The following DRAM1 variants were observed in gnomAD, a reference collection of about 807,000 sequenced individuals.
DRAM1 encodes DNA damage-regulated autophagy modulator protein 1.
DRAM1 carries 25 observed loss-of-function variants against 28.5 expected under a neutral mutation model. The observed-to-expected ratio is 0.88, with a 90% CI of 0.64 to 1.23. The LOEUF is 1.23. Among genes scored for constraint, DRAM1 ranks in the 50% most tolerant of loss-of-function variants. The pLI, the probability that DRAM1 is intolerant of heterozygous loss-of-function variation, is 0.00. For missense variants in DRAM1, 249 were observed against 299.2 expected (o/e 0.83, Z 1.24); for synonymous variants, 113 against 114.2 (o/e 0.99, Z 0.07).
chr12:101,915,107 G>A (rs1225538654), intron 5 of DRAM1, among the ~76,000 whole-genome samples: 1 of 151,884 alleles, frequency 6.6e-6, no homozygotes, highest in East Asian at 1.9e-4. Flanking sequence ...AGCCTCCTGA[G>A]TAGCTGGGAC....
intron 5 of DRAM1, among the ~76,000 whole-genome samples, chr12:101,918,169 T>C (rs1431742471): frequency 6.6e-6 from 1 of 152,252 alleles, no homozygotes; most frequent in East Asian, 1.9e-4. Flanking sequence ...AACTTCTGTG[T>C]AGTGCTTTAC....
chr12:101,896,640 C>T (rs1054008668), intron 1 of DRAM1, among the ~76,000 whole-genome samples: 3 of 152,080 alleles, frequency 2.0e-5, no homozygotes, highest in African/African-American at 7.2e-5. Context: ...TATTTTCCAA[C>T]TCATTTAATT....
chr12:101,913,705 CA>C (rs60536139), intron 4 of DRAM1, among the ~76,000 whole-genome samples: 2,857 of 50,282 alleles, frequency 0.057, 30 homozygotes, highest in East Asian at 0.26. Flanking sequence ...GAGTACGTCT[CA>C]AAAAAAAAAA....
At chr12:101,903,869 G>C (rs116421023) in intron 3 of DRAM1, among the ~76,000 whole-genome samples, 5,563 of 151,412 alleles carry the variant, frequency 0.037, 346 homozygotes, top group African/African-American at 0.13. Flanking sequence ...TTTGAGACTA[G>C]TCTGGGCAAC....
intron 1 of DRAM1, among the ~76,000 whole-genome samples, chr12:101,896,459 A>T (rs6539016): frequency 0.51 from 77,955 of 152,024 alleles, 20,481 homozygotes; most frequent in East Asian, 0.63. Flanking sequence ...AAAGCTTGGC[A>T]CTAATAGAAA....
intron 5 of DRAM1, among the ~76,000 whole-genome samples, chr12:101,915,270 C>T (rs565437111): frequency 2.4e-4 from 36 of 152,238 alleles, no homozygotes; most frequent in African/African-American, 7.2e-4. Flanking sequence ...TGAGCCACCG[C>T]ACCTGGCCTT....
At chr12:101,881,091 G>A (rs368504221) in intron 1 of DRAM1, among the ~76,000 whole-genome samples, 101 of 152,230 alleles carry the variant, frequency 6.6e-4, no homozygotes, top group Admixed American at 1.8e-3. Context: ...CACACATAGA[G>A]AAGAAGGCTG....
chr12:101,912,322 T>C (rs1458555269), intron 4 of DRAM1, among the ~76,000 whole-genome samples: 1 of 152,244 alleles, frequency 6.6e-6, no homozygotes, highest in African/African-American at 2.4e-5. Flanking sequence ...TTTCACTGAA[T>C]GAAGCTTTCT....
At chr12:101,914,132 CTGT>C in intron 4 of DRAM1, 39 bp from the exon 5 acceptor site, 1 of 1,355,228 alleles carries the variant, frequency 7.4e-7, no homozygotes, top group Non-Finnish European at 1.0e-6. Context: ...ATTAAAGGAA[CTGT>C]TGTGTGCTGT....
At chr12:101,902,904 T>C (rs1165868021) in intron 3 of DRAM1, among the ~76,000 whole-genome samples, 3 of 143,060 alleles carry the variant, frequency 2.1e-5, no homozygotes, top group Non-Finnish European at 4.5e-5. Flanking sequence ...CAAGAGAGAG[T>C]GTGACTGCCT....
chr12:101,912,510 G>C (rs1406942973), intron 4 of DRAM1, among the ~76,000 whole-genome samples: 1 of 152,192 alleles, frequency 6.6e-6, no homozygotes, highest in Non-Finnish European at 1.5e-5. Context: ...GTGCACTGAA[G>C]ATGGAGCTAA....
At chr12:101,921,158 G>A in intron 6 of DRAM1, 58 bp from the exon 7 acceptor site, 2 of 1,239,830 alleles carry the variant, frequency 1.6e-6, no homozygotes, top group Middle Eastern at 1.9e-4. Flanking sequence ...AAATGTCATT[G>A]TCAACGCTGG....
chr12:101,904,804 A>G (rs1018251527), intron 3 of DRAM1, among the ~76,000 whole-genome samples: 1 of 152,044 alleles, frequency 6.6e-6, no homozygotes, highest in African/African-American at 2.4e-5. Flanking sequence ...CTTTTAAATT[A>G]CCAAGAGAGT....
chr12:101,879,893 C>T (rs1478270760), intron 1 of DRAM1, among the ~76,000 whole-genome samples: 2 of 151,598 alleles, frequency 1.3e-5, no homozygotes, highest in Non-Finnish European at 2.9e-5. Flanking sequence ...ACTCGGGAGG[C>T]TGAGGCAGAA....
At position 101,919,284 on chromosome 12, in the gene DRAM1, G is replaced by GCGCA. The variant is rs35286891; in HGVS notation, c.580-824_580-823insGCAC. Among the ~76,000 whole-genome samples, 1,072 of 147,598 alleles carry GCGCA rather than the reference G, an allele frequency of 7.3e-3. 9 individuals are homozygous for GCGCA. The highest frequency in any genetic ancestry group is 0.011 in the Non-Finnish European group (720 of 66,400). ...TCCACAGACACACAGACACACACAC[G>GCGCA]CACACACACACACACACACACGGTT... is the stretch of plus-strand genomic sequence containing the variant. On this transcript the variant is annotated intron_variant, in intron 5 of 6. Coordinates refer to ENST00000258534, the MANE Select transcript of DRAM1 (RefSeq NM_018370.3).
At chr12:101,883,054 A>G (rs1283938114) in intron 1 of DRAM1, among the ~76,000 whole-genome samples, 2 of 151,100 alleles carry the variant, frequency 1.3e-5, no homozygotes, top group African/African-American at 4.8e-5. Context: ...TTACGTCAAT[A>G]CACTTATATG....
At chr12:101,914,783 G>A (rs1481455963) in intron 5 of DRAM1, among the ~76,000 whole-genome samples, 4 of 151,842 alleles carry the variant, frequency 2.6e-5, no homozygotes, top group East Asian at 3.9e-4. Flanking sequence ...TCAGCCTCCC[G>A]AGTAGCTGGG....
At chr12:101,909,326 T>C (rs957419958) in intron 4 of DRAM1, among the ~76,000 whole-genome samples, 1 of 152,092 alleles carries the variant, frequency 6.6e-6, no homozygotes, top group East Asian at 1.9e-4. Context: ...AAAAGTCTCT[T>C]TGCGGGGAAG....
At chr12:101,900,381 T>C (rs1873554016) in intron 2 of DRAM1, among the ~76,000 whole-genome samples, 1 of 152,154 alleles carries the variant, frequency 6.6e-6, no homozygotes, top group African/African-American at 2.4e-5. Flanking sequence ...TGATGTAAGA[T>C]ACAAGATACA....
Sources: gnomAD v4.1 joint callset for allele counts (sites outside exome capture counted in the v4.1 genomes callset) on GRCh38, gnomAD v4.1.1 for gene constraint, MANE v1.5 for transcripts, NCBI Gene and HGNC (gene_info 2026-07-23, HGNC 2026-07-21) for gene names.